The following DIPK1A variants were observed in gnomAD, a reference collection of about 807,000 sequenced individuals.
DIPK1A encodes the protein divergent protein kinase domain 1A, also known as family with sequence similarity 69 member A.
A neutral mutation model predicts 40.8 loss-of-function variants in DIPK1A; 27 were observed. The observed-to-expected ratio is 0.66, with a 90% CI of 0.49 to 0.91. DIPK1A has a LOEUF of 0.91. Among genes scored for constraint, DIPK1A ranks in the 40% least tolerant of loss-of-function variants. DIPK1A has a pLI of 0.00. For synonymous variants in DIPK1A, 166 were observed against 171.3 expected (o/e 0.97, Z 0.24); for missense variants, 412 against 505.7 (o/e 0.81, Z 1.78).
At chr1:92,855,238 G>A (rs562237359) in intron 2 of DIPK1A, among the ~76,000 whole-genome samples, 1 of 152,296 alleles carries the variant, frequency 6.6e-6, no homozygotes, top group Non-Finnish European at 1.5e-5. Context: ...CAATGCAAGT[G>A]TATATATCAA....
intron 1 of DIPK1A, among the ~76,000 whole-genome samples, chr1:92,958,786 C>T (rs868394973): frequency 2.0e-5 from 3 of 152,138 alleles, no homozygotes; most frequent in Non-Finnish European, 4.4e-5. Context: ...ATCCAAATCA[C>T]AGTAAACTCA....
intron 1 of DIPK1A, among the ~76,000 whole-genome samples, chr1:92,942,285 AAT>A (rs1445594830): frequency 2.0e-5 from 3 of 152,212 alleles, no homozygotes; most frequent in Non-Finnish European, 2.9e-5. Context: ...GTCCTGGGGG[AAT>A]AAATTATCTC....
At position 92,833,037 on chromosome 1, in the gene DIPK1A, T is replaced by C. The variant is rs773100754; in HGVS notation, c.475-3A>G. 5.4e-6 allele frequency: 4 copies of C among 738,836 alleles called. No individual in the cohort carries two copies. The South Asian group carries it at 5.7e-5, about 11-fold the overall frequency. The allele number at this position is 738,836 out of a possible 1,614,324, so 45.8% of individuals were successfully genotyped here. A position where few individuals can be genotyped will look rare whatever the true frequency, so the allele number is the denominator to read the frequency against. On this transcript the variant is annotated splice_region_variant and splice_polypyrimidine_tract_variant and intron_variant, in intron 4 of 4. Transcript: ENST00000615519. Reference sequence around the variant, plus strand: ...TGGCACAATTACCGGTGCTGGTCCTTGAAGAAACAAATATGGAAATTGAAA... The same window carrying C: ...TGGCACAATTACCGGTGCTGGTCCTCGAAGAAACAAATATGGAAATTGAAA...
At chr1:92,837,857 T>C, downstream of DIPK1A, 1 of 546,286 alleles carries the variant, frequency 1.8e-6, no homozygotes, top group Admixed American at 3.1e-5. Flanking sequence ...TATTTGTAGA[T>C]GTCATTTCTG....
At chr1:92,896,243 G>A (rs1649161645) in intron 1 of DIPK1A, among the ~76,000 whole-genome samples, 1 of 152,148 alleles carries the variant, frequency 6.6e-6, no homozygotes, top group Admixed American at 6.5e-5. Context: ...CTCACTACCT[G>A]ACTTCAAACT....
chr1:92,841,729 TTA>T (rs1371992305), downstream of DIPK1A: 1 of 1,348,006 alleles, frequency 7.4e-7, no homozygotes, highest in African/African-American at 1.4e-5. Flanking sequence ...TTCTCTTCAG[TTA>T]TAGTTTAAAA....
chr1:92,859,408 C>T (rs919282405), intron 2 of DIPK1A, among the ~76,000 whole-genome samples: 7 of 151,988 alleles, frequency 4.6e-5, no homozygotes, highest in Non-Finnish European at 1.0e-4. Flanking sequence ...TCTCTCTCCC[C>T]CCTGCCCGCA....
downstream of DIPK1A, among the ~76,000 whole-genome samples, chr1:92,841,613 A>C (rs890352196): frequency 3.3e-5 from 5 of 152,240 alleles, no homozygotes; most frequent in Admixed American, 3.3e-4. Flanking sequence ...AAGATCATAC[A>C]TAAGTAAATG....
At chr1:92,911,593 C>T (rs1018390847) in intron 1 of DIPK1A, among the ~76,000 whole-genome samples, 3 of 152,108 alleles carry the variant, frequency 2.0e-5, no homozygotes, top group African/African-American at 7.2e-5. Context: ...GCTGATTCCA[C>T]TTTTGGGGTA....
downstream of DIPK1A, chr1:92,837,240 G>T: frequency 1.4e-6 from 1 of 738,888 alleles, no homozygotes; most frequent in African/African-American, 1.7e-5. Flanking sequence ...GCTTTTAAAG[G>T]TTTTTGTAGC....
At chr1:92,941,027 T>C (rs1651131614) in intron 1 of DIPK1A, among the ~76,000 whole-genome samples, 1 of 28,714 alleles carries the variant, frequency 3.5e-5, no homozygotes, top group African/African-American at 7.4e-5. Context: ...CTTTGTGAGA[T>C]ATGTGATTTG....
chr1:92,865,116 AC>A (rs1472325488), intron 2 of DIPK1A, among the ~76,000 whole-genome samples: 2 of 151,228 alleles, frequency 1.3e-5, no homozygotes, highest in African/African-American at 2.4e-5. Flanking sequence ...AATCCCAGCT[AC>A]TCAGGATATC....
chr1:92,912,401 T>C (rs990254543), intron 1 of DIPK1A, among the ~76,000 whole-genome samples: 1 of 152,048 alleles, frequency 6.6e-6, no homozygotes, highest in African/African-American at 2.4e-5. Context: ...ACAAATAACA[T>C]ATATATAATA....
intron 4 of DIPK1A, chr1:92,833,157 A>G (rs1456103312): frequency 6.1e-6 from 4 of 659,930 alleles, no homozygotes; most frequent in Admixed American, 2.5e-5. Context: ...CTTTTATTCC[A>G]TATTTCTCTA....
At chr1:92,911,343 A>G (rs1649817352) in intron 1 of DIPK1A, among the ~76,000 whole-genome samples, 1 of 152,172 alleles carries the variant, frequency 6.6e-6, no homozygotes, top group Admixed American at 6.5e-5. Flanking sequence ...GAGCCAGGAA[A>G]TGGATTTTCA....
chr1:92,910,084 C>T (rs934173779), intron 1 of DIPK1A, among the ~76,000 whole-genome samples: 18 of 152,106 alleles, frequency 1.2e-4, no homozygotes, highest in Middle Eastern at 3.2e-3. Context: ...TTGTTGATTC[C>T]GAGCAAGTAA....
At chr1:92,960,792 T>C (rs1449868500) in intron 1 of DIPK1A, among the ~76,000 whole-genome samples, 1 of 152,194 alleles carries the variant, frequency 6.6e-6, no homozygotes, top group East Asian at 1.9e-4. Context: ...TTGGGTGTGA[T>C]GGAACGACCC....
intron 1 of DIPK1A, among the ~76,000 whole-genome samples, chr1:92,943,686 T>C (rs534356922): frequency 5.3e-5 from 8 of 152,320 alleles, no homozygotes; most frequent in Non-Finnish European, 8.8e-5. Flanking sequence ...GAGCCCAGCA[T>C]AGGCTCAACC....
chr1:92,897,064 A>G (rs1649205135), intron 1 of DIPK1A, among the ~76,000 whole-genome samples: 3 of 151,898 alleles, frequency 2.0e-5, no homozygotes, highest in Admixed American at 2.0e-4. Flanking sequence ...GTGGGACTGT[A>G]AACTAGTTCA....
Sources: gnomAD v4.1 joint callset for allele counts (sites outside exome capture counted in the v4.1 genomes callset) on GRCh38, gnomAD v4.1.1 for gene constraint, MANE v1.5 for transcripts, NCBI Gene and HGNC (gene_info 2026-07-23, HGNC 2026-07-21) for gene names.